The following FOXO1 variants were observed in gnomAD, a reference collection of about 807,000 sequenced individuals.
FOXO1 encodes forkhead box protein O1.
FOXO1 carries 6 observed loss-of-function variants against 44.1 expected under a neutral mutation model. The ratio of observed to expected loss-of-function variants is 0.14; its 90% CI spans 0.07 to 0.27. FOXO1 has a LOEUF of 0.27. FOXO1 is among the 10% of genes least tolerant of loss of function. The pLI, the probability that FOXO1 is intolerant of heterozygous loss-of-function variation, is 1.00. For synonymous variants in FOXO1, 380 were observed against 362.7 expected, an observed-to-expected ratio of 1.05 and a Z score of -0.54; for missense variants, 737 against 888.8, an observed-to-expected ratio of 0.83 and a Z score of 2.17.
chr13:40,632,735 G>C (rs60832433), intron 1 of FOXO1, among the ~76,000 whole-genome samples: 9,305 of 152,036 alleles, frequency 0.061, 682 homozygotes, highest in East Asian at 0.39. Flanking sequence ...CTGATGTCAG[G>C]AGTTCAAGAC....
intron 1 of FOXO1, among the ~76,000 whole-genome samples, chr13:40,645,752 A>C (rs1180815461): frequency 6.6e-6 from 1 of 152,170 alleles, no homozygotes; most frequent in Non-Finnish European, 1.5e-5. Context: ...AAAAGTACTC[A>C]TTTTTAATAT....
intron 1 of FOXO1, chr13:40,611,258 C>A: frequency 3.2e-6 from 1 of 311,888 alleles, no homozygotes; most frequent in Non-Finnish European, 6.3e-6. Flanking sequence ...AGAATGCAAT[C>A]TTATTTGTTA....
chr13:40,635,093 A>G (rs1403668081), intron 1 of FOXO1, among the ~76,000 whole-genome samples: 1 of 152,206 alleles, frequency 6.6e-6, no homozygotes, highest in Non-Finnish European at 1.5e-5. Context: ...ATAAGCAATC[A>G]TTTATATAAA....
At position 40,618,846 on chromosome 13, in the gene FOXO1, A is replaced by G. The variant is rs183494351; in HGVS notation, c.630+46737T>C. On this transcript the variant is annotated intron_variant, in intron 1 of 2. Coordinates refer to ENST00000379561, the MANE Select transcript of FOXO1 (RefSeq NM_002015.4). ...GATGGCAGCAAGAGCATCTCCACAG[A>G]GAAGAGGCCTGAGAACTCGATGAAG... is the stretch of plus-strand genomic sequence containing the variant. 2.0e-4 allele frequency: 106 copies of G among 527,910 alleles called. 1 individual carries two copies. Among genetic ancestry groups the G allele is most frequent in the Admixed American group, 6.2e-4 (32 of 51,544 alleles). The allele number at this position is 527,910 out of a possible 1,614,324, so 32.7% of individuals were successfully genotyped here.
intron 1 of FOXO1, among the ~76,000 whole-genome samples, chr13:40,616,041 G>A (rs1322538469): frequency 6.6e-6 from 1 of 152,182 alleles, no homozygotes; most frequent in Non-Finnish European, 1.5e-5. Flanking sequence ...ACAGGGGCTT[G>A]AACCAGACAC....
chr13:40,655,003 G>A (rs1467394229), intron 1 of FOXO1, among the ~76,000 whole-genome samples: 1 of 152,098 alleles, frequency 6.6e-6, no homozygotes, highest in African/African-American at 2.4e-5. Context: ...AAAGACCAAA[G>A]ATGTGCTGTA....
chr13:40,611,264 T>G (rs958520739), intron 1 of FOXO1: 1 of 314,414 alleles, frequency 3.2e-6, no homozygotes, highest in Non-Finnish European at 6.3e-6. Context: ...CAATCTTATT[T>G]GTTACCCAAA....
chr13:40,655,152 A>G (rs550937970), intron 1 of FOXO1, among the ~76,000 whole-genome samples: 2 of 152,158 alleles, frequency 1.3e-5, no homozygotes, highest in African/African-American at 4.8e-5. Context: ...TCTGGCCAAC[A>G]TGGTGAAACC....
intron 1 of FOXO1, among the ~76,000 whole-genome samples, chr13:40,635,808 G>A (rs959706507): frequency 3.9e-5 from 6 of 152,298 alleles, no homozygotes; most frequent in African/African-American, 1.2e-4. Flanking sequence ...GCCCACTTCT[G>A]GGGACGTGAC....
rs9577081 is a variant in FOXO1 at position 40,635,744 on chromosome 13, C to T, written c.630+29839G>A. Among the ~76,000 whole-genome samples, 163 of 152,330 alleles carry T rather than the reference C, an allele frequency of 1.1e-3. 4 individuals are homozygous for T. In the East Asian group the frequency reaches 0.019, roughly 18 times the overall value. Reference sequence around the variant, plus strand: ...TGTGCAGGAAAGGCCTCTGGATGGTCAGGCACACCACTGAGGAGAGTGAGT... The same window carrying T: ...TGTGCAGGAAAGGCCTCTGGATGGTTAGGCACACCACTGAGGAGAGTGAGT... On this transcript the variant is annotated intron_variant, in intron 1 of 2. Transcript: ENST00000379561.
At chr13:40,647,099 A>T (rs952069620) in intron 1 of FOXO1, among the ~76,000 whole-genome samples, 2 of 152,232 alleles carry the variant, frequency 1.3e-5, no homozygotes, top group African/African-American at 4.8e-5. Flanking sequence ...GGAAGTCTAC[A>T]TTAGTAAAGT....
At chr13:40,646,567 T>C (rs1877517211) in intron 1 of FOXO1, among the ~76,000 whole-genome samples, 1 of 152,138 alleles carries the variant, frequency 6.6e-6, no homozygotes, top group Admixed American at 6.5e-5. Context: ...ATTTTGGACA[T>C]TTGAACTTCA....
chr13:40,618,800 T>C, intron 1 of FOXO1: 1 of 523,262 alleles, frequency 1.9e-6, no homozygotes, highest in East Asian at 5.4e-5. Flanking sequence ...AAGACCGTAA[T>C]CATTTGTGAA....
chr13:40,626,729 T>C (rs916309637), intron 1 of FOXO1, among the ~76,000 whole-genome samples: 12 of 152,208 alleles, frequency 7.9e-5, no homozygotes, highest in African/African-American at 2.9e-4. Flanking sequence ...GCAAAGACAC[T>C]GGCCCATGAA....
At chr13:40,627,998 CGT>C (rs1876842100) in intron 1 of FOXO1, among the ~76,000 whole-genome samples, 1 of 151,930 alleles carries the variant, frequency 6.6e-6, no homozygotes, top group Admixed American at 6.6e-5. Context: ...GCAGGGGAAC[CGT>C]GTGTGTGTGC....
chr13:40,607,067 C>A (rs73465277), intron 1 of FOXO1, among the ~76,000 whole-genome samples: 116 of 152,312 alleles, frequency 7.6e-4, no homozygotes, highest in African/African-American at 2.7e-3. Flanking sequence ...TAAGCCCGCA[C>A]ATCTGCCCAA....
intron 1 of FOXO1, among the ~76,000 whole-genome samples, chr13:40,578,514 G>GT (rs769544744): frequency 6.6e-5 from 10 of 152,154 alleles, no homozygotes; most frequent in Non-Finnish European, 1.2e-4. Flanking sequence ...CACTGACTGT[G>GT]TATCAGCATC....
chr13:40,631,887 G>A (rs781551032), intron 1 of FOXO1, among the ~76,000 whole-genome samples: 4 of 152,154 alleles, frequency 2.6e-5, no homozygotes, highest in Non-Finnish European at 5.9e-5. Flanking sequence ...TTAATGTCAC[G>A]GAACAGTACG....
At chr13:40,609,941 C>G (rs3892360) in intron 1 of FOXO1, among the ~76,000 whole-genome samples, 58,520 of 151,792 alleles carry the variant, frequency 0.39, 12,081 homozygotes, top group East Asian at 0.73. Flanking sequence ...GTCAAAAACT[C>G]AAAATATTGT....
Sources: allele counts gnomAD v4.1 joint callset (sites outside exome capture counted in the v4.1 genomes callset), GRCh38; gene constraint gnomAD v4.1.1; transcripts MANE v1.5; gene names NCBI Gene and HGNC (gene_info 2026-07-23, HGNC 2026-07-21).